Variants in PXDNL observed in about 807,000 individuals in gnomAD.
PXDNL encodes the protein peroxidasin like.
Under a neutral mutation model 150.8 loss-of-function variants are expected in PXDNL, and 145 were observed. That is an observed-to-expected ratio of 0.96 (90% confidence interval 0.84 to 1.10). PXDNL has a LOEUF of 1.10. Among genes scored for constraint, PXDNL ranks in the 50% least tolerant of loss-of-function variants. PXDNL has a pLI of 0.00. For missense variants in PXDNL, 2,087 were observed against 1,873.9 expected (o/e 1.11, Z -2.10); for synonymous variants, 757 against 725.7 (o/e 1.04, Z -0.69).
At chr8:51,495,817 C>T (rs2130261047) in intron 5 of PXDNL, among the ~76,000 whole-genome samples, 1 of 152,222 alleles carries the variant, frequency 6.6e-6, no homozygotes, top group Non-Finnish European at 1.5e-5. Context: ...AAGGCCAGGA[C>T]CAGAAGGAGT....
intron 8 of PXDNL, among the ~76,000 whole-genome samples, chr8:51,469,240 C>A (rs1302082776): frequency 6.6e-6 from 1 of 151,976 alleles, no homozygotes; most frequent in Non-Finnish European, 1.5e-5. Context: ...AGGTAATCTG[C>A]AGATTACTTG....
intron 1 of PXDNL, among the ~76,000 whole-genome samples, chr8:51,672,572 G>A (rs1208861420): frequency 6.6e-6 from 1 of 152,130 alleles, no homozygotes; most frequent in Non-Finnish European, 1.5e-5. Context: ...AAGGTCATAT[G>A]TTGCCTATTA....
intron 1 of PXDNL, among the ~76,000 whole-genome samples, chr8:51,686,428 T>C (rs890190198): frequency 2.0e-5 from 3 of 152,146 alleles, no homozygotes; most frequent in African/African-American, 7.2e-5. Context: ...GAAATAGAAA[T>C]CAGCAAAATA....
intron 19 of PXDNL, among the ~76,000 whole-genome samples, chr8:51,350,151 G>C (rs1806291675): frequency 6.6e-6 from 1 of 151,944 alleles, no homozygotes; most frequent in Admixed American, 6.6e-5. Context: ...AAGAAAAAAA[G>C]CTTCCTTATG....
At chr8:51,748,710 T>C (rs2037012595) in intron 1 of PXDNL, among the ~76,000 whole-genome samples, 1 of 152,214 alleles carries the variant, frequency 6.6e-6, no homozygotes, top group South Asian at 2.1e-4. Flanking sequence ...CACGAGCCCC[T>C]GGGCCCACCC....
intron 1 of PXDNL, among the ~76,000 whole-genome samples, chr8:51,746,573 G>C (rs1024809605): frequency 1.3e-5 from 2 of 152,152 alleles, no homozygotes; most frequent in Admixed American, 6.5e-5. Flanking sequence ...TGGGGCAACA[G>C]ATAAGTCCCC....
intron 2 of PXDNL, among the ~76,000 whole-genome samples, chr8:51,637,489 T>C (rs943850083): frequency 6.6e-6 from 1 of 152,074 alleles, no homozygotes; most frequent in East Asian, 1.9e-4. Flanking sequence ...GAATAAACAG[T>C]GTAGAGAAGT....
intron 1 of PXDNL, among the ~76,000 whole-genome samples, chr8:51,680,998 C>T (rs1427470679): frequency 7.6e-6 from 1 of 131,630 alleles, no homozygotes; most frequent in Non-Finnish European, 1.6e-5. Context: ...TTGTGGTTTT[C>T]GTCCAGACAC....
At chr8:51,393,482 G>T (rs1807973424) in intron 17 of PXDNL, among the ~76,000 whole-genome samples, 1 of 152,246 alleles carries the variant, frequency 6.6e-6, no homozygotes, top group African/African-American at 2.4e-5. Context: ...CAAGTGCTGG[G>T]TTATGCTGTT....
intron 2 of PXDNL, among the ~76,000 whole-genome samples, chr8:51,636,504 G>C (rs572497990): frequency 2.0e-5 from 3 of 151,992 alleles, no homozygotes; most frequent in African/African-American, 4.8e-5. Context: ...ACACTTGCAG[G>C]TACAAAGTCA....
chr8:51,517,484 C>T (rs988150321), intron 4 of PXDNL, among the ~76,000 whole-genome samples: 6 of 151,884 alleles, frequency 4.0e-5, no homozygotes, highest in Non-Finnish European at 7.4e-5. Flanking sequence ...TTTTCCTATC[C>T]ATTGTAGACA....
Position 51,372,189 on chromosome 8 carries a change from A to G in PXDNL, c.3693-108T>C, listed in dbSNP as rs1586044529. On this transcript the variant is annotated intron_variant, in intron 18 of 22. Transcript: ENST00000356297. Reference sequence around the variant, plus strand: ...AAGAAGAGCTCAACATAAAAGACGCATACTGAAAGAATTATGCTTGTTCTC... The same window carrying G: ...AAGAAGAGCTCAACATAAAAGACGCGTACTGAAAGAATTATGCTTGTTCTC... 3 of 699,856 alleles carry G rather than the reference A, an allele frequency of 4.3e-6. No homozygotes were observed. The East Asian group carries it at 8.1e-5, about 19-fold the overall frequency. The allele number at this position is 699,856 out of a possible 1,614,324, so 43.4% of individuals were successfully genotyped here. A position where few individuals can be genotyped will look rare whatever the true frequency, so the allele number is the denominator to read the frequency against.
At chr8:51,344,820 C>T (rs757608548) in intron 20 of PXDNL, among the ~76,000 whole-genome samples, 2 of 152,116 alleles carry the variant, frequency 1.3e-5, no homozygotes, top group Non-Finnish European at 2.9e-5. Context: ...ATTACATGCC[C>T]ATTTTACAGC....
chr8:51,328,107 A>C (rs1415683468), intron 21 of PXDNL, among the ~76,000 whole-genome samples: 2 of 152,232 alleles, frequency 1.3e-5, no homozygotes, highest in African/African-American at 4.8e-5. Flanking sequence ...TGAATAGAAC[A>C]CAAATAGCAG....
chr8:51,639,445 T>C (rs2130773362), intron 2 of PXDNL, among the ~76,000 whole-genome samples: 1 of 152,066 alleles, frequency 6.6e-6, no homozygotes, highest in East Asian at 1.9e-4. Flanking sequence ...ACAAAATTGA[T>C]AGACCACTAG....
chr8:51,717,208 C>T (rs1052161945), intron 1 of PXDNL, among the ~76,000 whole-genome samples: 3 of 152,168 alleles, frequency 2.0e-5, no homozygotes, highest in Admixed American at 2.0e-4. Flanking sequence ...AAAAGATGCC[C>T]TGGATTCCTG....
At chr8:51,788,285 C>T (rs2037478846) in intron 1 of PXDNL, among the ~76,000 whole-genome samples, 1 of 152,144 alleles carries the variant, frequency 6.6e-6, no homozygotes, top group South Asian at 2.1e-4. Context: ...GGAGATATTC[C>T]TCCTCTGGAG....
chr8:51,571,186 A>G (rs554060615), intron 3 of PXDNL, among the ~76,000 whole-genome samples: 1 of 151,918 alleles, frequency 6.6e-6, no homozygotes, highest in South Asian at 2.1e-4. Context: ...ACTTGAGATT[A>G]GAGTGTGGTC....
At chr8:51,789,584 T>C (rs1307307046) in intron 1 of PXDNL, among the ~76,000 whole-genome samples, 1 of 152,234 alleles carries the variant, frequency 6.6e-6, no homozygotes, top group Non-Finnish European at 1.5e-5. Context: ...GTATTCTGAC[T>C]GGTGGCCTTC....
Sources: gnomAD v4.1 joint callset for allele counts (sites outside exome capture counted in the v4.1 genomes callset) on GRCh38, gnomAD v4.1.1 for gene constraint, MANE v1.5 for transcripts, NCBI Gene and HGNC (gene_info 2026-07-23, HGNC 2026-07-21) for gene names.